The following CACNA2D1 variants were observed in gnomAD, a reference collection of about 807,000 sequenced individuals.
CACNA2D1 encodes voltage-dependent calcium channel subunit alpha-2/delta-1.
CACNA2D1 carries 53 observed loss-of-function variants against 171.5 expected under a neutral mutation model. That is an observed-to-expected ratio of 0.31 (90% CI 0.25 to 0.39). The LOEUF (loss-of-function observed/expected upper bound fraction) is 0.39. Ranked by LOEUF, CACNA2D1 falls within the 10% of genes least tolerant of loss-of-function variation. The pLI is 1.00. For synonymous variants in CACNA2D1, 442 were observed against 443.1 expected, an observed-to-expected ratio of 1.00 and a Z score of 0.03; for missense variants, 903 against 1,299.8, an observed-to-expected ratio of 0.69 and a Z score of 4.69.
chr7:82,382,060 C>T (rs1207347668), intron 1 of CACNA2D1, among the ~76,000 whole-genome samples: 1 of 152,144 alleles, frequency 6.6e-6, no homozygotes, highest in African/African-American at 2.4e-5. Context: ...CGTGAATCTT[C>T]GTGACTTGAA....
chr7:82,290,480 A>G (rs905473428), intron 3 of CACNA2D1, among the ~76,000 whole-genome samples: 5 of 151,984 alleles, frequency 3.3e-5, no homozygotes, highest in Non-Finnish European at 7.4e-5. Context: ...ATTCATTTCC[A>G]ATTGCAAACA....
intron 6 of CACNA2D1, among the ~76,000 whole-genome samples, chr7:82,088,098 G>GT (rs887996164): frequency 1.2e-3 from 181 of 151,782 alleles, no homozygotes; most frequent in African/African-American, 4.2e-3. Flanking sequence ...GTTTTGTTTT[G>GT]TTTTTTTGTT....
chr7:82,113,197 T>C (rs1294761414), intron 6 of CACNA2D1, among the ~76,000 whole-genome samples: 2 of 152,100 alleles, frequency 1.3e-5, no homozygotes, highest in Non-Finnish European at 2.9e-5. Flanking sequence ...TATAGAAATA[T>C]AATTATACAA....
intron 3 of CACNA2D1, among the ~76,000 whole-genome samples, chr7:82,309,975 ATGTC>A (rs764425243): frequency 2.2e-4 from 33 of 152,324 alleles, no homozygotes; most frequent in Middle Eastern, 3.4e-3. Context: ...AGTCATAAAA[ATGTC>A]TGTATCATTT....
intron 3 of CACNA2D1, among the ~76,000 whole-genome samples, chr7:82,173,618 C>T (rs915920508): frequency 6.7e-6 from 1 of 148,206 alleles, no homozygotes; most frequent in African/African-American, 2.6e-5. Flanking sequence ...ACAAACCAGC[C>T]GGTCATTACT....
At chr7:82,419,888 G>C (rs1828557232) in intron 1 of CACNA2D1, among the ~76,000 whole-genome samples, 1 of 152,164 alleles carries the variant, frequency 6.6e-6, no homozygotes, top group South Asian at 2.1e-4. Context: ...TGCCCCTCAG[G>C]AGACATCTGA....
intron 1 of CACNA2D1, among the ~76,000 whole-genome samples, chr7:82,403,144 A>C (rs1019086649): frequency 2.0e-5 from 3 of 152,256 alleles, no homozygotes; most frequent in Middle Eastern, 3.4e-3. Flanking sequence ...GTAAGGGGAG[A>C]AGACTGGGAG....
At chr7:81,983,836 T>C (rs1334494782) in intron 22 of CACNA2D1, among the ~76,000 whole-genome samples, 2 of 152,176 alleles carry the variant, frequency 1.3e-5, no homozygotes, top group Non-Finnish European at 2.9e-5. Flanking sequence ...TGAAAGAAAC[T>C]GTAGCTTACT....
chr7:82,391,995 C>T (rs1825173534), intron 1 of CACNA2D1, among the ~76,000 whole-genome samples: 1 of 152,136 alleles, frequency 6.6e-6, no homozygotes, highest in African/African-American at 2.4e-5. Context: ...AATCCCTAGG[C>T]AGACAGGGGC....
intron 7 of CACNA2D1, among the ~76,000 whole-genome samples, chr7:82,083,610 A>T (rs13241220): frequency 6.6e-6 from 1 of 152,154 alleles, no homozygotes; most frequent in African/African-American, 2.4e-5. Context: ...AGATAATAAT[A>T]CAAATATTTA....
intron 1 of CACNA2D1, among the ~76,000 whole-genome samples, chr7:82,412,765 G>A (rs936267172): frequency 6.6e-6 from 1 of 151,722 alleles, no homozygotes; most frequent in Admixed American, 6.6e-5. Flanking sequence ...TCTAAGTGGT[G>A]AAAATTATGC....
intron 6 of CACNA2D1, among the ~76,000 whole-genome samples, chr7:82,107,147 T>C (rs927675651): frequency 6.6e-6 from 1 of 152,106 alleles, no homozygotes; most frequent in Admixed American, 6.6e-5. Flanking sequence ...GACTTAGTAG[T>C]GTCTACTAAG....
intron 3 of CACNA2D1, among the ~76,000 whole-genome samples, chr7:82,325,633 C>T (rs895783276): frequency 3.1e-4 from 47 of 152,148 alleles, no homozygotes; most frequent in African/African-American, 1.0e-3. Context: ...AATTCCAGAC[C>T]AAATCTCTCA....
chr7:82,109,311 C>T (rs1267962077), intron 6 of CACNA2D1, among the ~76,000 whole-genome samples: 1 of 151,944 alleles, frequency 6.6e-6, no homozygotes, highest in Non-Finnish European at 1.5e-5. Flanking sequence ...TTTTATGATT[C>T]TATTGTGATC....
chr7:82,398,176 C>T (rs544811371), intron 1 of CACNA2D1, among the ~76,000 whole-genome samples: 6 of 152,204 alleles, frequency 3.9e-5, no homozygotes, highest in Admixed American at 3.3e-4. Context: ...GCCTTAGAGC[C>T]CCAGTCCTAA....
chr7:82,340,023 C>G (rs1268277381), intron 2 of CACNA2D1, among the ~76,000 whole-genome samples: 1 of 152,132 alleles, frequency 6.6e-6, no homozygotes, highest in African/African-American at 2.4e-5. Flanking sequence ...AGAAATCAGG[C>G]CAACACTGCT....
chr7:81,992,606 CA>C (rs1797660662), intron 20 of CACNA2D1, among the ~76,000 whole-genome samples: 1 of 152,086 alleles, frequency 6.6e-6, no homozygotes, highest in East Asian at 1.9e-4. Context: ...AATACAGTAT[CA>C]GAAAACAGTA....
intron 3 of CACNA2D1, among the ~76,000 whole-genome samples, chr7:82,201,005 CAA>C (rs1799370591): frequency 6.6e-6 from 1 of 152,116 alleles, no homozygotes; most frequent in African/African-American, 2.4e-5. Flanking sequence ...AAAATAATCT[CAA>C]AGTGTATATG....
chr7:82,112,118 A>T (rs1336114289), intron 6 of CACNA2D1, among the ~76,000 whole-genome samples: 1 of 152,156 alleles, frequency 6.6e-6, no homozygotes, highest in Non-Finnish European at 1.5e-5. Context: ...ACTTTTAAAA[A>T]ATCCACTTTG....
Sources: gnomAD v4.1 joint callset for allele counts (sites outside exome capture counted in the v4.1 genomes callset) on GRCh38, gnomAD v4.1.1 for gene constraint, MANE v1.5 for transcripts, NCBI Gene and HGNC (gene_info 2026-07-23, HGNC 2026-07-21) for gene names.